The following IQANK1 variants were observed in gnomAD, a reference collection of about 807,000 sequenced individuals.
The protein encoded by IQANK1 is IQ motif and ankyrin repeat containing 1, also known as IQ motif and ankyrin repeat domain-containing protein 1.
A neutral mutation model predicts 22.6 loss-of-function variants in IQANK1; 30 were observed. The ratio of observed to expected loss-of-function variants is 1.33; its 90% CI spans 0.99 to 1.80. The LOEUF is 1.80. Among genes scored for constraint, IQANK1 ranks in the 40% most tolerant of loss-of-function variants. IQANK1 has a pLI of 0.00. For synonymous variants in IQANK1, 122 were observed against 99.6 expected (o/e 1.23, Z -1.34); for missense variants, 275 against 235.2 (o/e 1.17, Z -1.11).
intron 3 of IQANK1, among the ~76,000 whole-genome samples, chr8:143,746,730 A>G (rs868982130): frequency 6.6e-6 from 1 of 152,000 alleles, no homozygotes; most frequent in Non-Finnish European, 1.5e-5. Flanking sequence ...TGCTAGTTAT[A>G]TGTCTATTCA....
chr8:143,769,424 T>C (rs1419981626), intron 3 of IQANK1, among the ~76,000 whole-genome samples: 2 of 152,160 alleles, frequency 1.3e-5, no homozygotes, highest in African/African-American at 4.8e-5. Flanking sequence ...CTCAAACTCC[T>C]GGGCTCAAGC....
In IQANK1 at chr8:143,774,488, C is replaced by G. The variant is rs1554630131; in HGVS notation, c.789+2006C>G. 6.6e-6 allele frequency among the ~76,000 whole-genome samples: 1 copy of G among 152,188 alleles called. No individual in the cohort carries two copies. Among genetic ancestry groups the G allele is most frequent in the Non-Finnish European group, 1.5e-5 (1 of 68,032 alleles). ...TCACACCTCCCAGGACAGCCCAGGT[C>G]AAACTAGAGCTGGAGCCGAACGAGG... On this transcript the variant is annotated intron_variant, in intron 7 of 13. Coordinates refer to ENST00000527139, the MANE Select transcript of IQANK1 (RefSeq NM_001381874.1). The surrounding 1 kb of genome is among the most constrained non-coding windows in gnomAD (Gnocchi z 4.2).
At position 143,740,023 on chromosome 8, in the gene IQANK1, C is replaced by G. The variant is rs1554626257; in HGVS notation, c.175+75C>G. ...GGCAGGGGGGTGCCCTGGCCCGGGA[C>G]ACGCTCAGTGTGGGCGCGCGCTTGC... is the stretch of plus-strand genomic sequence containing the variant. On this transcript the variant is annotated intron_variant, in intron 3 of 13. Transcript: ENST00000527139. 2.1e-5 allele frequency: 13 copies of G among 633,238 alleles called. No individual in the cohort carries two copies. In the South Asian group the frequency reaches 2.1e-4, roughly 10 times the overall value. 39.2% of individuals were successfully genotyped at this position (633,238 alleles called of 1,614,324 possible).
At chr8:143,765,243 G>A (rs905814445) in intron 3 of IQANK1, among the ~76,000 whole-genome samples, 7 of 151,908 alleles carry the variant, frequency 4.6e-5, no homozygotes, top group African/African-American at 9.7e-5. Context: ...TGTAATCCCC[G>A]CTACTTGGGA....
At chr8:143,786,874 G>T (rs1819899145) in intron 7 of IQANK1, among the ~76,000 whole-genome samples, 1 of 152,154 alleles carries the variant, frequency 6.6e-6, no homozygotes, top group Non-Finnish European at 1.5e-5. Context: ...AGATCCTGAG[G>T]GGGACAAGGA....
At chr8:143,776,339 A>AAG (rs1275591829) in intron 7 of IQANK1, among the ~76,000 whole-genome samples, 24 of 151,386 alleles carry the variant, frequency 1.6e-4, no homozygotes, top group East Asian at 9.6e-4. Flanking sequence ...AAAAAAAAAA[A>AAG]AAAAAAGAAA....
At chr8:143,773,317 CAAAAA>C (rs112006229) in intron 7 of IQANK1, among the ~76,000 whole-genome samples, 22 of 133,704 alleles carry the variant, frequency 1.6e-4, no homozygotes, top group South Asian at 9.4e-4. Flanking sequence ...AAAAAAAAAA[CAAAAA>C]AAACACAAAA....
chr8:143,762,326 AAGGG>A (rs199814811), intron 3 of IQANK1, among the ~76,000 whole-genome samples: 1 of 149,108 alleles, frequency 6.7e-6, no homozygotes, highest in Non-Finnish European at 1.5e-5. Context: ...GGAAGGAAGG[AAGGG>A]AGGGAGGGAG....
chr8:143,761,312 T>G (rs1434075755), intron 3 of IQANK1, among the ~76,000 whole-genome samples: 1 of 152,186 alleles, frequency 6.6e-6, no homozygotes, highest in African/African-American at 2.4e-5. Flanking sequence ...GCCCGGCCCC[T>G]GCCTGCTGCT....
In IQANK1 at chr8:143,772,384, C is replaced by A. The variant is rs1481104763; in HGVS notation, c.691C>A (p.Arg231Ser). 5 of 399,274 alleles carry A rather than the reference C, an allele frequency of 1.3e-5. No homozygotes were observed. The highest frequency in any genetic ancestry group is 7.1e-5 in the East Asian group (2 of 28,072). The allele number at this position is 399,274 out of a possible 1,614,324, so 24.7% of individuals were successfully genotyped here. The change falls in exon 7 of 14, where the codon CGT (arginine) becomes AGT (serine). Residue 231 changes from arginine (R) to serine (S), a missense_variant. Physicochemically the swap from Arg to Ser is moderately radical, Grantham distance 110 (BLOSUM62 -1). Transcript: ENST00000527139. ...CGCTTTCGGTCCGACGCCGCTGTACCGTGCAGCCTTTGGGGGCCACCTGGC... is the reference window on the plus strand; with the variant it reads ...CGCTTTCGGTCCGACGCCGCTGTACAGTGCAGCCTTTGGGGGCCACCTGGC... Reference protein sequence around the residue: ...KGAFGPTPLYRAAFGGHLAAV... With the variant: ...KGAFGPTPLYSAAFGGHLAAV...
chr8:143,772,904 C>T (rs112114233), intron 7 of IQANK1, among the ~76,000 whole-genome samples: 6,396 of 152,292 alleles, frequency 0.042, 404 homozygotes, highest in African/African-American at 0.14. Flanking sequence ...ACGGGGCCCA[C>T]CCATCGGTCC....
rs1261719802 is a variant in IQANK1, at chr8:143,771,129, G to T, written c.176-359G>T. ...TCCAGCCTTCGCTCGCTGGGGCCTG[G>T]ATGCAGGAGGGGCCTTCGGCTTTCA... On this transcript the variant is annotated intron_variant, in intron 3 of 13. Coordinates refer to ENST00000527139, the MANE Select transcript of IQANK1 (RefSeq NM_001381874.1). This position sits in a 1 kb window ranked among gnomAD's most constrained non-coding sequence, Gnocchi z 6.0. 6.6e-6 allele frequency among the ~76,000 whole-genome samples: 1 copy of T among 152,230 alleles called. No individual in the cohort carries two copies. Among genetic ancestry groups the T allele is most frequent in the Non-Finnish European group, 1.5e-5 (1 of 68,026 alleles).
chr8:143,735,659 G>A lies in IQANK1; in HGVS notation c.-4-191G>A, dbSNP rs1473817402. On this transcript the variant is annotated intron_variant, in intron 1 of 13. Coordinates refer to ENST00000527139, the MANE Select transcript of IQANK1 (RefSeq NM_001381874.1). The surrounding 1 kb of genome is among the most constrained non-coding windows in gnomAD (Gnocchi z 5.2). Reference sequence around the variant, plus strand: ...CCAAGTGCTCTTGCCAGGCATCCCGGCTCAAGCTTCTGGGCACACACCCGG... The same window carrying A: ...CCAAGTGCTCTTGCCAGGCATCCCGACTCAAGCTTCTGGGCACACACCCGG... Among the ~76,000 whole-genome samples the A allele has an allele frequency of 6.6e-6, 1 of 152,038 alleles. No homozygotes were observed. Among genetic ancestry groups the A allele is most frequent in the African/African-American group, 2.4e-5 (1 of 41,382 alleles).
intron 3 of IQANK1, among the ~76,000 whole-genome samples, chr8:143,763,960 C>A (rs930644616): frequency 1.3e-5 from 2 of 152,086 alleles, no homozygotes; most frequent in Non-Finnish European, 2.9e-5. Context: ...TATGATAATT[C>A]ATTTCAACGG....
At chr8:143,738,212 A>G (rs1474147371) in intron 2 of IQANK1, among the ~76,000 whole-genome samples, 2 of 152,004 alleles carry the variant, frequency 1.3e-5, no homozygotes, top group Non-Finnish European at 2.9e-5. Context: ...GGGTTTGCGA[A>G]CTCGACTTCG....
At chr8:143,739,019 C>T (rs1245790618) in intron 2 of IQANK1, among the ~76,000 whole-genome samples, 4 of 152,166 alleles carry the variant, frequency 2.6e-5, no homozygotes, top group African/African-American at 9.7e-5. Context: ...CAAAGCCCTG[C>T]GTGGCACTTT....
At chr8:143,752,996 GTTTTTT>G (rs34993930) in intron 3 of IQANK1, among the ~76,000 whole-genome samples, 7 of 69,938 alleles carry the variant, frequency 1.0e-4, no homozygotes, top group South Asian at 7.6e-4. Context: ...CTCTCTGTTC[GTTTTTT>G]TTTTTTTTTT....
At chr8:143,740,029 C>CA in intron 3 of IQANK1, 81 bp downstream of exon 3, 1 of 623,106 alleles carries the variant, frequency 1.6e-6, no homozygotes, top group Non-Finnish European at 2.9e-6. Context: ...GGGACACGCT[C>CA]AGTGTGGGCG....
At chr8:143,787,815 C>T (rs984598673) in intron 7 of IQANK1, among the ~76,000 whole-genome samples, 5 of 151,868 alleles carry the variant, frequency 3.3e-5, no homozygotes, top group African/African-American at 7.3e-5. Context: ...TGTGGGAATG[C>T]GGCCGCTCAC....
Sources: allele counts gnomAD v4.1 joint callset (sites outside exome capture counted in the v4.1 genomes callset), GRCh38; gene constraint gnomAD v4.1.1; non-coding constraint Gnocchi (gnomAD v3.1); transcripts MANE v1.5; gene names NCBI Gene and HGNC (gene_info 2026-07-23, HGNC 2026-07-21).